Variants in ENOX2 observed in about 807,000 individuals in gnomAD.
The protein encoded by ENOX2 is APK1 antigen.
Under a neutral mutation model 45.0 loss-of-function variants are expected in ENOX2, and 36 were observed. That is an observed-to-expected ratio of 0.80 (90% CI 0.61 to 1.06). ENOX2 has a LOEUF of 1.06. Ranked by LOEUF, ENOX2 falls within the 50% of genes least tolerant of loss-of-function variation. The probability of loss-of-function intolerance (pLI) is 0.00; values close to 1 mark genes in which losing one functional copy is unlikely to be tolerated. For missense variants in ENOX2, 423 were observed against 462.5 expected, an observed-to-expected ratio of 0.91 and a Z score of 0.78; for synonymous variants, 174 against 152.3, an observed-to-expected ratio of 1.14 and a Z score of -1.05.
At chrX:130,801,817 T>G (rs1322240148) in intron 2 of ENOX2, among the ~76,000 whole-genome samples, 1 of 111,728 alleles carries the variant, frequency 9.0e-6, no homozygotes, top group Non-Finnish European at 1.9e-5. Context: ...GTTCATTCAT[T>G]ACACATCTCT....
chrX:130,741,809 G>A (rs1251638140), intron 3 of ENOX2, among the ~76,000 whole-genome samples: 2 of 111,357 alleles, frequency 1.8e-5, no homozygotes, highest in African/African-American at 3.3e-5. Context: ...GGGGAGAGAC[G>A]GAGAACAATG....
intron 2 of ENOX2, among the ~76,000 whole-genome samples, chrX:130,789,025 C>T (rs1428002107): frequency 4.2e-5 from 4 of 96,342 alleles, no homozygotes; most frequent in Non-Finnish European, 6.0e-5. Context: ...CTCCATAACA[C>T]GTATGAGGCT....
chrX:130,755,746 C>T (rs181869607), intron 3 of ENOX2, among the ~76,000 whole-genome samples: 1 of 110,822 alleles, frequency 9.0e-6, no homozygotes, highest in Non-Finnish European at 1.9e-5. Context: ...CAAACCACAC[C>T]CTTTTAGTAA....
At chrX:130,663,746 A>G (rs1426540907) in intron 9 of ENOX2, among the ~76,000 whole-genome samples, 1 of 110,962 alleles carries the variant, frequency 9.0e-6, no homozygotes, top group Non-Finnish European at 1.9e-5. Flanking sequence ...TTCTACAATC[A>G]TAAGACCTAC....
intron 2 of ENOX2, among the ~76,000 whole-genome samples, chrX:130,814,857 C>T (rs182193302): frequency 8.9e-6 from 1 of 111,773 alleles, no homozygotes; most frequent in Admixed American, 9.5e-5. Flanking sequence ...AGGATCACAA[C>T]TCCTTGCCAG....
At chrX:130,725,261 G>T (rs1603328047) in intron 3 of ENOX2, among the ~76,000 whole-genome samples, 2 of 108,179 alleles carry the variant, frequency 1.8e-5, no homozygotes, top group African/African-American at 3.4e-5. Flanking sequence ...CTAAAAACAG[G>T]TCCCACTATC....
intron 2 of ENOX2, among the ~76,000 whole-genome samples, chrX:130,814,273 C>T (rs749068320): frequency 9.8e-5 from 11 of 112,321 alleles, no homozygotes; most frequent in Non-Finnish European, 1.9e-5. Context: ...ACTCCCATCT[C>T]CCCGGGACAG....
intron 10 of ENOX2, among the ~76,000 whole-genome samples, chrX:130,655,016 C>G (rs143291349): frequency 0.027 from 2,977 of 112,137 alleles, 29 homozygotes; most frequent in Middle Eastern, 0.07. Context: ...GTAACACTGA[C>G]TAAATACTGT....
At chrX:130,707,621 C>CA (rs1201060783) in intron 3 of ENOX2, among the ~76,000 whole-genome samples, 1 of 111,254 alleles carries the variant, frequency 9.0e-6, no homozygotes, top group Non-Finnish European at 1.9e-5. Context: ...TTCATTAAGA[C>CA]AAAAACTCTC....
intron 2 of ENOX2, among the ~76,000 whole-genome samples, chrX:130,789,086 G>A: frequency 9.0e-6 from 1 of 111,386 alleles, no homozygotes; most frequent in Non-Finnish European, 1.9e-5. Flanking sequence ...GTTCCTTGTA[G>A]AATGACATTT....
At chrX:130,809,132 T>C (rs1368982900) in intron 2 of ENOX2, among the ~76,000 whole-genome samples, 1 of 112,180 alleles carries the variant, frequency 8.9e-6, no homozygotes. Flanking sequence ...CATGAGAGTT[T>C]TATTAAGTTT....
intron 4 of ENOX2, among the ~76,000 whole-genome samples, chrX:130,691,209 C>T (rs1569487321): frequency 9.0e-6 from 1 of 111,156 alleles, no homozygotes; most frequent in African/African-American, 3.3e-5. Flanking sequence ...CCTCTATTTC[C>T]TTTTTGGTAA....
chrX:130,831,258 A>G (rs1160700059), intron 2 of ENOX2, among the ~76,000 whole-genome samples: 1 of 111,710 alleles, frequency 9.0e-6, no homozygotes, highest in East Asian at 2.8e-4. Context: ...CCATCTCCCA[A>G]TACTGTTAAC....
intron 2 of ENOX2, among the ~76,000 whole-genome samples, chrX:130,886,911 TCTAAG>T (rs2148582794): frequency 8.9e-6 from 1 of 112,253 alleles, no homozygotes; most frequent in African/African-American, 3.2e-5. Flanking sequence ...GTGCAAACAC[TCTAAG>T]CTATATCACA....
intron 2 of ENOX2, among the ~76,000 whole-genome samples, chrX:130,817,344 G>A (rs1195730282): frequency 8.9e-6 from 1 of 111,993 alleles, no homozygotes; most frequent in Non-Finnish European, 1.9e-5. Context: ...AAGGTACAAA[G>A]AGGAGCTGGT....
At chrX:130,842,417 C>G (rs1338082528) in intron 2 of ENOX2, among the ~76,000 whole-genome samples, 2 of 111,729 alleles carry the variant, frequency 1.8e-5, no homozygotes, top group African/African-American at 6.5e-5. Flanking sequence ...CCAAAAGAAA[C>G]TCTTAATGCC....
chrX:130,789,103 T>C (rs2148407602), intron 2 of ENOX2, among the ~76,000 whole-genome samples: 1 of 111,978 alleles, frequency 8.9e-6, no homozygotes, highest in Non-Finnish European at 1.9e-5. Flanking sequence ...ATTTCTCATC[T>C]AATGGAACTA....
chrX:130,627,573 C>G (rs779881309), intron 14 of ENOX2, among the ~76,000 whole-genome samples: 1 of 110,554 alleles, frequency 9.0e-6, no homozygotes, highest in Admixed American at 9.6e-5. Context: ...AGAGTGAGAC[C>G]CTGTCTCAAA....
Position 130,689,018 on chromosome X carries a change from T to C in ENOX2, c.98A>G (p.Asp33Gly). The C allele has an allele frequency of 3.3e-6, 4 of 1,201,402 alleles. No individual in the cohort carries two copies. Among genetic ancestry groups the C allele is most frequent in the Non-Finnish European group, 4.5e-6 (4 of 888,872 alleles). ...LGIAGQPILPDFDPALGMMTG... is the reference protein window; with the variant it reads ...LGIAGQPILPGFDPALGMMTG... ...CATCATTCCAAGAGCAGGATCAAAG[T>C]CTAAAAAAGGAGAAGAGAGAACAAT... The change falls in exon 5 of 15, where the codon GAC (aspartate) becomes GGC (glycine). Residue 33 changes from aspartate (D) to glycine (G), a missense_variant and splice_region_variant. Transcript: ENST00000394363.
Sources: gnomAD v4.1 joint callset for allele counts (sites outside exome capture counted in the v4.1 genomes callset) on GRCh38, gnomAD v4.1.1 for gene constraint, MANE v1.5 for transcripts, NCBI Gene and HGNC (gene_info 2026-07-23, HGNC 2026-07-21) for gene names.